GPC5: variants seen among roughly 807,000 people sequenced by gnomAD.
GPC5 encodes glypican-5.
A neutral mutation model predicts 53.9 loss-of-function variants in GPC5; 47 were observed. The ratio of observed to expected loss-of-function variants is 0.87; its 90% CI spans 0.69 to 1.11. GPC5 has a LOEUF of 1.11. GPC5 is among the 50% of genes most tolerant of loss of function. GPC5 has a pLI of 0.00. For missense variants in GPC5, 748 were observed against 713.1 expected (o/e 1.05, Z -0.56); for synonymous variants, 286 against 263.3 (o/e 1.09, Z -0.84).
intron 7 of GPC5, among the ~76,000 whole-genome samples, chr13:92,426,275 G>A (rs1458552941): frequency 2.0e-5 from 3 of 152,114 alleles, no homozygotes; most frequent in Non-Finnish European, 4.4e-5. Context: ...TACCCATGGT[G>A]AATACCCCTG....
At chr13:92,089,283 A>C (rs572819220) in intron 6 of GPC5, among the ~76,000 whole-genome samples, 1 of 152,192 alleles carries the variant, frequency 6.6e-6, no homozygotes, top group African/African-American at 2.4e-5. Context: ...AAATACAAAA[A>C]ATTAGCCAGG....
intron 7 of GPC5, among the ~76,000 whole-genome samples, chr13:92,355,477 C>A (rs1436536947): frequency 6.6e-6 from 1 of 152,146 alleles, no homozygotes; most frequent in East Asian, 1.9e-4. Flanking sequence ...GCTTACACAC[C>A]ATTGAGCCTC....
At chr13:91,763,974 T>C (rs1244777437) in intron 5 of GPC5, among the ~76,000 whole-genome samples, 1 of 152,226 alleles carries the variant, frequency 6.6e-6, no homozygotes, top group Admixed American at 6.5e-5. Context: ...TAATACAATG[T>C]AAATGCTGTG....
chr13:91,460,068 A>AAAAT (rs1304943024), intron 2 of GPC5, among the ~76,000 whole-genome samples: 2 of 152,162 alleles, frequency 1.3e-5, no homozygotes. Context: ...TTCACTTTAT[A>AAAAT]AAATATACAA....
chr13:92,850,829 A>G (rs925971650), intron 7 of GPC5, among the ~76,000 whole-genome samples: 13 of 152,240 alleles, frequency 8.5e-5, no homozygotes, highest in East Asian at 1.9e-4. Context: ...GGGTAAAAGT[A>G]AAAGTATTAT....
chr13:92,389,906 T>C (rs1874916158), intron 7 of GPC5, among the ~76,000 whole-genome samples: 1 of 152,210 alleles, frequency 6.6e-6, no homozygotes, highest in African/African-American at 2.4e-5. Flanking sequence ...ACAAGTTGGT[T>C]GCTAAACAGG....
chr13:91,808,156 G>A (rs1476975899), intron 5 of GPC5, among the ~76,000 whole-genome samples: 3 of 152,098 alleles, frequency 2.0e-5, no homozygotes, highest in Non-Finnish European at 4.4e-5. Flanking sequence ...ATGGCCCATT[G>A]TAAAAGTTTA....
chr13:91,987,749 T>A (rs895327834), intron 6 of GPC5, among the ~76,000 whole-genome samples: 16 of 146,038 alleles, frequency 1.1e-4, no homozygotes, highest in East Asian at 3.9e-4. Flanking sequence ...ATATATAGTA[T>A]TTATATTATA....
chr13:92,153,474 A>G (rs935282185), intron 7 of GPC5, among the ~76,000 whole-genome samples: 1 of 152,188 alleles, frequency 6.6e-6, no homozygotes, highest in Non-Finnish European at 1.5e-5. Flanking sequence ...ATTCTAATTT[A>G]TGAATACATA....
rs549548794 is a variant in GPC5 at position 92,794,844 on chromosome 13, T to A, written c.1562-71438T>A. Among the ~76,000 whole-genome samples the A allele has an allele frequency of 2.0e-5, 3 of 152,214 alleles. No homozygotes were observed. The South Asian group carries it at 6.2e-4, about 32-fold the overall frequency. ...ACTTACAAGGGATGTGAAAGATCTC[T>A]TCAAGGAGAACTACAAACCAATGCT... On this transcript the variant is annotated intron_variant, in intron 7 of 7. Transcript: ENST00000377067.
intron 7 of GPC5, among the ~76,000 whole-genome samples, chr13:92,681,380 C>T (rs1225288485): frequency 6.6e-6 from 1 of 151,656 alleles, no homozygotes; most frequent in African/African-American, 2.4e-5. Flanking sequence ...CCCAATCTCT[C>T]TTCCTCTGTC....
At chr13:91,467,010 C>A (rs774614404) in intron 2 of GPC5, among the ~76,000 whole-genome samples, 3 of 152,082 alleles carry the variant, frequency 2.0e-5, no homozygotes, top group Non-Finnish European at 4.4e-5. Flanking sequence ...AAATCTGAAC[C>A]GGGTCCTTGC....
intron 2 of GPC5, among the ~76,000 whole-genome samples, chr13:91,515,529 G>A (rs1414299763): frequency 2.0e-5 from 3 of 152,040 alleles, no homozygotes; most frequent in Non-Finnish European, 2.9e-5. Context: ...ACTTGCCTAA[G>A]GTCATAAAGT....
rs2042078655 is a variant in GPC5 at position 92,172,637 on chromosome 13, A to G, written c.1561+27648A>G. Among the ~76,000 whole-genome samples the G allele has an allele frequency of 2.0e-5, 3 of 152,268 alleles. No individual in the cohort carries two copies. The East Asian group carries it at 5.8e-4, about 30-fold the overall frequency. On this transcript the variant is annotated intron_variant, in intron 7 of 7. Transcript: ENST00000377067. ...CCCCTGTTCATCTACTGCTTCTTTCATTTAACTTATGTGTCACCTTGAAAA... is the reference window on the plus strand; with the variant it reads ...CCCCTGTTCATCTACTGCTTCTTTCGTTTAACTTATGTGTCACCTTGAAAA...
intron 7 of GPC5, among the ~76,000 whole-genome samples, chr13:92,179,486 C>T (rs1057438721): frequency 3.3e-5 from 5 of 152,186 alleles, no homozygotes; most frequent in Non-Finnish European, 5.9e-5. Flanking sequence ...ACTAATTTGT[C>T]GTGGTCTCTC....
At chr13:91,966,460 T>TAA (rs1345664217) in intron 6 of GPC5, among the ~76,000 whole-genome samples, 1 of 152,202 alleles carries the variant, frequency 6.6e-6, no homozygotes, top group East Asian at 1.9e-4. Flanking sequence ...TGCTTCGTAG[T>TAA]AAAATATTTT....
chr13:91,901,964 A>G (rs1419563299), intron 5 of GPC5, among the ~76,000 whole-genome samples: 1 of 152,004 alleles, frequency 6.6e-6, no homozygotes, highest in African/African-American at 2.4e-5. Flanking sequence ...AGAAATAGCA[A>G]TAAAGGTAAA....
intron 6 of GPC5, among the ~76,000 whole-genome samples, chr13:92,020,585 T>C (rs1233310800): frequency 6.6e-6 from 1 of 152,116 alleles, no homozygotes; most frequent in Non-Finnish European, 1.5e-5. Flanking sequence ...TCTATTCATA[T>C]ACCTGAGCAT....
chr13:92,504,444 A>G (rs1045839414), intron 7 of GPC5, among the ~76,000 whole-genome samples: 1 of 151,992 alleles, frequency 6.6e-6, no homozygotes. Context: ...TGCAAGTCCA[A>G]TCAAAATCTC....
Sources: gnomAD v4.1 joint callset for allele counts (sites outside exome capture counted in the v4.1 genomes callset) on GRCh38, gnomAD v4.1.1 for gene constraint, MANE v1.5 for transcripts, NCBI Gene and HGNC (gene_info 2026-07-23, HGNC 2026-07-21) for gene names.